KIF13B: variants seen among roughly 807,000 people sequenced by gnomAD.
KIF13B encodes the protein kinesin-like protein KIF13B.
Under a neutral mutation model 222.0 loss-of-function variants are expected in KIF13B, and 127 were observed. The observed-to-expected ratio is 0.57, with a 90% confidence interval of 0.50 to 0.66. The LOEUF (loss-of-function observed/expected upper bound fraction) is 0.66. Among genes scored for constraint, KIF13B ranks in the 30% least tolerant of loss-of-function variants. The pLI is 0.00. For synonymous variants in KIF13B, 976 were observed against 919.0 expected, an observed-to-expected ratio of 1.06 and a Z score of -1.12; for missense variants, 2,173 against 2,379.0, an observed-to-expected ratio of 0.91 and a Z score of 1.80.
chr8:29,204,459 T>C (rs535014950), intron 2 of KIF13B, among the ~76,000 whole-genome samples: 135 of 152,272 alleles, frequency 8.9e-4, no homozygotes, highest in African/African-American at 3.0e-3. Context: ...GGGCCTGCAG[T>C]CCAGCTATTC....
chr8:29,161,803 C>T (rs115637625), intron 12 of KIF13B, among the ~76,000 whole-genome samples: 1,924 of 151,612 alleles, frequency 0.013, 24 homozygotes, highest in African/African-American at 0.03. Flanking sequence ...CTGGAGCAGA[C>T]GTGTTCTACT....
Position 29,072,292 on chromosome 8 carries a change from C to A in KIF13B, c.4546G>T (p.Val1516Leu). Residue 1516 changes from valine (V) to leucine (L), a missense_variant, in exon 39 of 40, where the codon GTG (valine) becomes TTG (leucine). Val to Leu is a conservative substitution (Grantham distance 32). Around this residue, in one of 2 missense-constraint regions of KIF13B, gnomAD observed 693 missense variants for 656.2 expected, o/e 1.06. Coordinates refer to ENST00000524189, the MANE Select transcript of KIF13B (RefSeq NM_015254.4). ...EEAQPEMGPDVLVQTMGAPAL... is the reference protein window; with the variant it reads ...EEAQPEMGPDLLVQTMGAPAL... ...GGGGCCCCCATCGTCTGCACCAGCACGTCAGGGCCCATCTCCGGCTGAGCC... is the reference window on the plus strand; with the variant it reads ...GGGGCCCCCATCGTCTGCACCAGCAAGTCAGGGCCCATCTCCGGCTGAGCC... The A allele has an allele frequency of 7.0e-7, 1 of 1,438,584 alleles. No individual in the cohort carries two copies. Among genetic ancestry groups the A allele is most frequent in the Non-Finnish European group, 9.1e-7 (1 of 1,094,778 alleles). 89.1% of individuals were successfully genotyped at this position (1,438,584 alleles called of 1,614,324 possible).
At position 29,134,302 on chromosome 8, in the gene KIF13B, T is replaced by C. The variant is rs1389316896; in HGVS notation, c.2614-92A>G. The C allele has an allele frequency of 5.9e-6, 7 of 1,189,628 alleles. No individual in the cohort carries two copies. The African/African-American group carries it at 9.2e-5, about 16-fold the overall frequency. The allele number at this position is 1,189,628 out of a possible 1,614,324, so 73.7% of individuals were successfully genotyped here. On this transcript the variant is annotated intron_variant, in intron 21 of 39. Coordinates refer to ENST00000524189, the MANE Select transcript of KIF13B (RefSeq NM_015254.4). ...TTCCAGCCCCGGCTCTGTCACTAACTTAGGTGCTTATGATATTTATGTTGG... is the reference window on the plus strand; with the variant it reads ...TTCCAGCCCCGGCTCTGTCACTAACCTAGGTGCTTATGATATTTATGTTGG...
intron 19 of KIF13B, 109 bp from the exon 20 acceptor site, chr8:29,140,726 C>T: frequency 2.0e-6 from 2 of 1,002,006 alleles, no homozygotes; most frequent in South Asian, 3.5e-5. Flanking sequence ...CTTTCATCAT[C>T]CTAACTCTTG....
chr8:29,232,461 T>C (rs1177741610), intron 2 of KIF13B, among the ~76,000 whole-genome samples: 2 of 149,298 alleles, frequency 1.3e-5, no homozygotes, highest in South Asian at 2.1e-4. Flanking sequence ...TATATACTTA[T>C]AAAGAAAGAT....
At chr8:29,179,185 T>C (rs1812607855) in intron 8 of KIF13B, among the ~76,000 whole-genome samples, 1 of 151,960 alleles carries the variant, frequency 6.6e-6, no homozygotes, top group Admixed American at 6.6e-5. Context: ...GGGGCAATCA[T>C]AGCTCACTGC....
chr8:29,186,216 A>G (rs1377527148), intron 6 of KIF13B, 76 bp downstream of exon 6: 6 of 1,191,034 alleles, frequency 5.0e-6, no homozygotes, highest in Non-Finnish European at 7.2e-6. Flanking sequence ...AAAAAATTAA[A>G]AAGATTTGCA....
At chr8:29,148,458 G>A in intron 16 of KIF13B, 119 bp downstream of exon 16, 1 of 567,002 alleles carries the variant, frequency 1.8e-6, no homozygotes, top group East Asian at 3.2e-5. Flanking sequence ...AAGAGCAGTG[G>A]TTATTCACGG....
intron 21 of KIF13B, among the ~76,000 whole-genome samples, chr8:29,139,647 G>A (rs1462386571): frequency 6.6e-6 from 1 of 152,170 alleles, no homozygotes; most frequent in Non-Finnish European, 1.5e-5. Flanking sequence ...CTGGGAAAGA[G>A]GACTGGTTCT....
chr8:29,150,341 T>C lies in KIF13B; in HGVS notation c.1578A>G (p.Leu526=). ...CCCATAATATCCTGTCCCCATGGTG[T>C]AGCTGTATTGGACTGGAGACAGATG... ...NGSSVSSPIQ[L]HHGDRILWGN... is the part of the protein sequence containing the mutation. Residue 526 remains leucine (L), a synonymous_variant, in exon 15 of 40, where the codon CTA becomes CTG. Coordinates refer to ENST00000524189, the MANE Select transcript of KIF13B (RefSeq NM_015254.4). The C allele has an allele frequency of 6.3e-7, 1 of 1,596,352 alleles. No individual in the cohort carries two copies. Among genetic ancestry groups the C allele is most frequent in the Non-Finnish European group, 8.6e-7 (1 of 1,166,328 alleles).
chr8:29,216,191 G>A (rs889727322), intron 2 of KIF13B, among the ~76,000 whole-genome samples: 4 of 152,128 alleles, frequency 2.6e-5, no homozygotes, highest in African/African-American at 9.7e-5. Context: ...AACCCTACAA[G>A]GTAGGTCTTA....
rs375220081 is a variant in KIF13B at position 29,068,107 on chromosome 8, G to A, written c.*2397C>T. On this transcript the variant is annotated 3_prime_UTR_variant, in exon 40 of 40. Transcript: ENST00000524189. This position sits in a 1 kb window ranked among gnomAD's most constrained non-coding sequence, Gnocchi z 4.4. Reference sequence around the variant, plus strand: ...CCCCACCCCCATCTCTGACAGCGCCGCGTGTGCAGTTACTGCCCTTCCCGG... The same window carrying A: ...CCCCACCCCCATCTCTGACAGCGCCACGTGTGCAGTTACTGCCCTTCCCGG... 2.2e-3 allele frequency: 330 copies of A among 152,472 alleles called. 3 individuals carry two copies. The highest frequency in any genetic ancestry group is 0.01 in the South Asian group (49 of 4,816). The allele number at this position is 152,472 out of a possible 1,614,324, so 9.4% of individuals were successfully genotyped here.
chr8:29,120,021 C>G (rs1286446441), intron 29 of KIF13B, among the ~76,000 whole-genome samples: 1 of 152,192 alleles, frequency 6.6e-6, no homozygotes, highest in Non-Finnish European at 1.5e-5. Flanking sequence ...CTGCTGACTT[C>G]TAACTTATTT....
At chr8:29,154,014 A>G (rs1811409919) in intron 14 of KIF13B, among the ~76,000 whole-genome samples, 1 of 152,252 alleles carries the variant, frequency 6.6e-6, no homozygotes, top group Admixed American at 6.5e-5. Context: ...TTACACACTA[A>G]AAGTAACTGG....
intron 25 of KIF13B, among the ~76,000 whole-genome samples, 154 bp from the exon 26 acceptor site, chr8:29,126,665 T>A (rs1810124264): frequency 6.6e-6 from 1 of 152,206 alleles, no homozygotes; most frequent in Non-Finnish European, 1.5e-5. Context: ...TCACTCTGGG[T>A]TTTACAGTTG....
At chr8:29,254,654 A>G (rs927272255) in intron 1 of KIF13B, among the ~76,000 whole-genome samples, 1 of 152,238 alleles carries the variant, frequency 6.6e-6, no homozygotes, top group Non-Finnish European at 1.5e-5. Context: ...AGACAAGAAC[A>G]AGTGTTGGTG....
chr8:29,188,602 C>T lies in KIF13B; in HGVS notation c.229G>A (p.Asp77Asn), dbSNP rs1813045195. ...TCTCCAAGGCACTTGAAAACAATAT[C>T]TTGACCTGAGAGAGAGAGAATAAGA... ...ESVKEKYAGQ[D>N]IVFKCLGENI... The change falls in exon 5 of 40, where the codon GAT becomes AAT. Residue 77 changes from aspartate (D) to asparagine (N), a missense_variant. By Grantham distance (23) the Asp-to-Asn change is conservative (BLOSUM62 1). Coordinates refer to ENST00000524189, the MANE Select transcript of KIF13B (RefSeq NM_015254.4). 1 of 1,602,624 alleles carries T rather than the reference C, an allele frequency of 6.2e-7. No individual in the cohort carries two copies. The highest frequency in any genetic ancestry group is 1.7e-5 in the Admixed American group (1 of 59,648).
chr8:29,207,275 G>A (rs576114337), intron 2 of KIF13B, among the ~76,000 whole-genome samples: 1 of 152,232 alleles, frequency 6.6e-6, no homozygotes, highest in African/African-American at 2.4e-5. Flanking sequence ...GGTTACCAGG[G>A]TGCCTTTCCC....
At chr8:29,197,343 A>T (rs1364455163) in intron 2 of KIF13B, among the ~76,000 whole-genome samples, 1 of 148,608 alleles carries the variant, frequency 6.7e-6, no homozygotes, top group Admixed American at 6.7e-5. Flanking sequence ...TCTCAAAAAA[A>T]AAAAAAAAAA....
Sources: gnomAD v4.1 joint callset for allele counts (sites outside exome capture counted in the v4.1 genomes callset) on GRCh38, gnomAD v4.1.1 for gene constraint, gnomAD v4.1.1 regional missense constraint, Gnocchi (gnomAD v3.1) non-coding constraint, MANE v1.5 for transcripts, NCBI Gene and HGNC (gene_info 2026-07-23, HGNC 2026-07-21) for gene names.